Variants in FSTL4 observed in about 807,000 individuals in gnomAD.
The protein encoded by FSTL4 is follistatin like 4.
A neutral mutation model predicts 78.2 loss-of-function variants in FSTL4; 28 were observed. The ratio of observed to expected loss-of-function variants is 0.36; its 90% CI spans 0.27 to 0.49. FSTL4 has a LOEUF of 0.49. Among genes scored for constraint, FSTL4 ranks in the 20% least tolerant of loss-of-function variants. FSTL4 has a pLI of 0.98. For missense variants in FSTL4, 922 were observed against 1,084.9 expected (o/e 0.85, Z 2.11); for synonymous variants, 422 against 440.5 (o/e 0.96, Z 0.53).
At chr5:133,315,336 C>A (rs745898701) in intron 5 of FSTL4, among the ~76,000 whole-genome samples, 4 of 152,172 alleles carry the variant, frequency 2.6e-5, no homozygotes, top group African/African-American at 4.8e-5. Context: ...TGACCTTAGG[C>A]AGTTTGACTC....
chr5:133,829,996 C>CA, the FSTL4 span, among the ~76,000 whole-genome samples: 1 of 152,138 alleles, frequency 6.6e-6, no homozygotes, highest in Non-Finnish European at 1.5e-5. Context: ...CCCCCGGTGA[C>CA]AGCCAAGGTT....
chr5:133,593,755 AT>A (rs1487611196), intron 2 of FSTL4, among the ~76,000 whole-genome samples: 1 of 152,222 alleles, frequency 6.6e-6, no homozygotes, highest in Non-Finnish European at 1.5e-5. Flanking sequence ...TACTTAATAA[AT>A]ATGCCCACTT....
intron 2 of FSTL4, among the ~76,000 whole-genome samples, chr5:133,574,508 T>C (rs141784073): frequency 6.6e-5 from 10 of 152,366 alleles, no homozygotes; most frequent in African/African-American, 2.4e-4. Flanking sequence ...AATCCTTTAA[T>C]ATCTGTTTAA....
the FSTL4 span, among the ~76,000 whole-genome samples, chr5:133,633,698 T>C: frequency 6.6e-6 from 1 of 152,214 alleles, no homozygotes; most frequent in African/African-American, 2.4e-5. Context: ...ACCTGGCCAG[T>C]TTGAATATTA....
chr5:133,281,780 G>A (rs1301764191), intron 6 of FSTL4, among the ~76,000 whole-genome samples: 1 of 152,152 alleles, frequency 6.6e-6, no homozygotes, highest in Non-Finnish European at 1.5e-5. Context: ...TATAGATTTT[G>A]GAGGATTTGG....
intron 3 of FSTL4, among the ~76,000 whole-genome samples, chr5:133,531,699 T>C (rs1216503364): frequency 6.6e-6 from 1 of 152,316 alleles, no homozygotes; most frequent in African/African-American, 2.4e-5. Context: ...CCTTCTCCAA[T>C]TGCCAGTCAA....
chr5:133,763,878 A>G, the FSTL4 span, among the ~76,000 whole-genome samples: 1 of 152,138 alleles, frequency 6.6e-6, no homozygotes, highest in Admixed American at 6.5e-5. Context: ...CCCTGGCAAT[A>G]CTTCTGGAAC....
At chr5:133,321,843 G>A (rs1353991476) in intron 4 of FSTL4, among the ~76,000 whole-genome samples, 1 of 152,248 alleles carries the variant, frequency 6.6e-6, no homozygotes, top group African/African-American at 2.4e-5. Context: ...CCTTGAATGA[G>A]GCTCAGCAGG....
intron 3 of FSTL4, among the ~76,000 whole-genome samples, chr5:133,472,142 T>A (rs1483275913): frequency 6.6e-6 from 1 of 152,238 alleles, no homozygotes; most frequent in Non-Finnish European, 1.5e-5. Context: ...CAATAAACTG[T>A]ATTATACTAC....
At chr5:133,598,816 C>G (rs1760795227) in intron 2 of FSTL4, among the ~76,000 whole-genome samples, 1 of 152,176 alleles carries the variant, frequency 6.6e-6, no homozygotes, top group African/African-American at 2.4e-5. Context: ...CTAGAATTTG[C>G]AATGGTGAGT....
At chr5:133,689,010 G>A in the FSTL4 span, among the ~76,000 whole-genome samples, 5,492 of 152,240 alleles carry the variant, frequency 0.036, 144 homozygotes, top group Non-Finnish European at 0.054. Flanking sequence ...CAGGCAGAGC[G>A]TCGCTAAGAC....
chr5:133,595,395 G>C (rs535662617), intron 2 of FSTL4, among the ~76,000 whole-genome samples: 8 of 152,216 alleles, frequency 5.3e-5, no homozygotes, highest in Non-Finnish European at 1.2e-4. Context: ...CCCATACGAT[G>C]ACAAAAGGAA....
At chr5:133,687,801 C>T in the FSTL4 span, among the ~76,000 whole-genome samples, 1 of 152,186 alleles carries the variant, frequency 6.6e-6, no homozygotes, top group Non-Finnish European at 1.5e-5. Context: ...TTCTCTCTTG[C>T]ACCACAACTT....
rs144319167 is a variant in FSTL4, at chr5:133,395,865, T to A, written c.409+4873A>T. Among the ~76,000 whole-genome samples the A allele has an allele frequency of 2.3e-3, 350 of 152,310 alleles. 2 individuals are homozygous for A. Among genetic ancestry groups the A allele is most frequent in the Non-Finnish European group, 4.2e-3 (284 of 68,020 alleles). On this transcript the variant is annotated intron_variant, in intron 4 of 15. Transcript: ENST00000265342. ...GATGAATTCTTACCCCAGGCTCCAC[T>A]GGCATTTCCTGAGAGCCCGGAGGTA...
At chr5:133,643,845 C>A in the FSTL4 span, among the ~76,000 whole-genome samples, 1 of 152,126 alleles carries the variant, frequency 6.6e-6, no homozygotes, top group Non-Finnish European at 1.5e-5. Context: ...CCAGTATTAC[C>A]CCATACGTAC....
At chr5:133,681,127 C>T in the FSTL4 span, among the ~76,000 whole-genome samples, 65 of 152,338 alleles carry the variant, frequency 4.3e-4, no homozygotes, top group Middle Eastern at 3.4e-3. Context: ...CTCCTGGAGG[C>T]GGACAGGCAG....
the FSTL4 span, among the ~76,000 whole-genome samples, chr5:133,721,230 T>C: frequency 6.6e-6 from 1 of 152,254 alleles, no homozygotes; most frequent in Non-Finnish European, 1.5e-5. Context: ...TTATATTGTA[T>C]ATTCTTTAAC....
At chr5:133,688,053 G>T in the FSTL4 span, among the ~76,000 whole-genome samples, 1 of 152,236 alleles carries the variant, frequency 6.6e-6, no homozygotes, top group South Asian at 2.1e-4. Context: ...AGCTTGGCCG[G>T]AACTCAGTTA....
chr5:133,701,616 C>T, the FSTL4 span, among the ~76,000 whole-genome samples: 6 of 152,072 alleles, frequency 3.9e-5, no homozygotes, highest in East Asian at 1.9e-4. Flanking sequence ...TACTGTTCAT[C>T]GCTGGTTCTT....
Sources: gnomAD v4.1 joint callset for allele counts (sites outside exome capture counted in the v4.1 genomes callset) on GRCh38, gnomAD v4.1.1 for gene constraint, MANE v1.5 for transcripts, NCBI Gene and HGNC (gene_info 2026-07-23, HGNC 2026-07-21) for gene names.